The following LDB2 variants were observed in gnomAD, a reference collection of about 807,000 sequenced individuals.
LDB2 encodes LIM domain-binding protein 2.
Under a neutral mutation model 44.3 loss-of-function variants are expected in LDB2, and 12 were observed. The ratio of observed to expected loss-of-function variants is 0.27; its 90% confidence interval spans 0.17 to 0.44. The LOEUF (loss-of-function observed/expected upper bound fraction) is 0.44, where lower values mean the gene tolerates loss of function less well. Among genes scored for constraint, LDB2 ranks in the 20% least tolerant of loss-of-function variants. LDB2 has a pLI of 1.00. For synonymous variants in LDB2, 164 were observed against 174.8 expected, an observed-to-expected ratio of 0.94 and a Z score of 0.49; for missense variants, 344 against 473.5, an observed-to-expected ratio of 0.73 and a Z score of 2.54.
chr4:16,739,708 ATATATG>A lies in LDB2; in HGVS notation c.235+19444_235+19449del, dbSNP rs1476672337. On this transcript the variant is annotated intron_variant, in intron 2 of 7. Transcript: ENST00000304523. ...TATATGTATATATACATATATGTGTATATATGTATATATACATATATGTGTATATAC... is the reference window on the plus strand; with the variant it reads ...TATATGTATATATACATATATGTGTATATATATACATATATGTGTATATAC... Among the ~76,000 whole-genome samples, 49 of 102,214 alleles carry A rather than the reference ATATATG, an allele frequency of 4.8e-4. 2 individuals are homozygous for A. Among genetic ancestry groups the A allele is most frequent in the African/African-American group, 1.8e-3 (47 of 26,574 alleles). The allele number at this position is 102,214 out of a possible 152,430, so 67.1% of individuals were successfully genotyped here.
intron 1 of LDB2, among the ~76,000 whole-genome samples, chr4:16,851,354 G>C (rs1458762883): frequency 1.3e-5 from 2 of 152,040 alleles, no homozygotes; most frequent in Non-Finnish European, 2.9e-5. Flanking sequence ...AAGGAACCAA[G>C]GACAATAGTG....
At chr4:16,790,476 T>C (rs1285079310) in intron 1 of LDB2, among the ~76,000 whole-genome samples, 1 of 151,988 alleles carries the variant, frequency 6.6e-6, no homozygotes, top group Non-Finnish European at 1.5e-5. Context: ...TGATATTCAG[T>C]AATAGTGCTG....
intron 2 of LDB2, among the ~76,000 whole-genome samples, chr4:16,645,833 T>G (rs539186693): frequency 4.6e-5 from 7 of 152,152 alleles, no homozygotes; most frequent in African/African-American, 1.7e-4. Flanking sequence ...TCTCAATGTT[T>G]TTGGTTGTAT....
rs540212315 is a variant in LDB2 at position 16,692,247 on chromosome 4, G to A, written c.235+66911C>T. On this transcript the variant is annotated intron_variant, in intron 2 of 7. Transcript: ENST00000304523. ...ACATCAGAATTTGGATGAAGTACAA[G>A]TTGGATATACATACATTGACTCATG... is the stretch of plus-strand genomic sequence containing the variant. 8.5e-5 allele frequency among the ~76,000 whole-genome samples: 13 copies of A among 152,318 alleles called. No individual in the cohort carries two copies. The East Asian group carries it at 2.5e-3, about 29-fold the overall frequency.
intron 2 of LDB2, among the ~76,000 whole-genome samples, chr4:16,615,695 C>A (rs1386075445): frequency 6.6e-6 from 1 of 152,038 alleles, no homozygotes; most frequent in Non-Finnish European, 1.5e-5. Flanking sequence ...AACAAACCTG[C>A]ACATTCTGCA....
chr4:16,667,923 C>A (rs937241153), intron 2 of LDB2, among the ~76,000 whole-genome samples: 21 of 152,166 alleles, frequency 1.4e-4, no homozygotes, highest in African/African-American at 4.8e-4. Context: ...CCTCTGCTCA[C>A]CTTCCACGAT....
chr4:16,522,674 C>T (rs1726686322), intron 5 of LDB2, among the ~76,000 whole-genome samples: 1 of 152,082 alleles, frequency 6.6e-6, no homozygotes, highest in South Asian at 2.1e-4. Context: ...TACACACACA[C>T]ATAACCTGAA....
intron 5 of LDB2, among the ~76,000 whole-genome samples, chr4:16,562,408 C>A (rs1488815571): frequency 1.3e-5 from 2 of 152,166 alleles, no homozygotes; most frequent in South Asian, 2.1e-4. Context: ...GGGCGAAGGA[C>A]ATGAACAGAC....
intron 1 of LDB2, among the ~76,000 whole-genome samples, chr4:16,870,741 T>C (rs186370392): frequency 1.3e-5 from 2 of 152,242 alleles, no homozygotes; most frequent in Non-Finnish European, 2.9e-5. Context: ...CAAGCGATTC[T>C]CCTGCCTCAG....
chr4:16,613,051 T>C (rs529956978), intron 2 of LDB2, among the ~76,000 whole-genome samples: 1 of 63,810 alleles, frequency 1.6e-5, no homozygotes, highest in Non-Finnish European at 3.8e-5. Flanking sequence ...ATTCAACATA[T>C]GCAACATATG....
At chr4:16,547,793 G>C (rs118127823) in intron 5 of LDB2, among the ~76,000 whole-genome samples, 1 of 152,100 alleles carries the variant, frequency 6.6e-6, no homozygotes, top group South Asian at 2.1e-4. Flanking sequence ...CCAGTTTTCT[G>C]TCTTGTTACC....
At chr4:16,583,526 A>AGGC (rs1715551723) in intron 5 of LDB2, among the ~76,000 whole-genome samples, 1 of 152,228 alleles carries the variant, frequency 6.6e-6, no homozygotes, top group African/African-American at 2.4e-5. Context: ...AGGCAACTTT[A>AGGC]TACATGAATG....
chr4:16,503,174 C>T (rs955362868), intron 7 of LDB2: 6 of 1,532,960 alleles, frequency 3.9e-6, no homozygotes, highest in Middle Eastern at 1.7e-4. Flanking sequence ...TAAAAAAATC[C>T]ATGCTTTCAA....
intron 2 of LDB2, among the ~76,000 whole-genome samples, chr4:16,693,220 G>A (rs1251657085): frequency 1.3e-5 from 2 of 152,084 alleles, no homozygotes; most frequent in Admixed American, 6.6e-5. Flanking sequence ...ATTTTTATTT[G>A]AGCCTCAAGA....
At chr4:16,610,770 A>C (rs1297381287) in intron 2 of LDB2, among the ~76,000 whole-genome samples, 1 of 152,206 alleles carries the variant, frequency 6.6e-6, no homozygotes, top group Admixed American at 6.5e-5. Flanking sequence ...GGGAGAATGG[A>C]AACAAGCTGG....
intron 1 of LDB2, among the ~76,000 whole-genome samples, chr4:16,783,013 G>A (rs1237522102): frequency 6.6e-6 from 1 of 152,148 alleles, no homozygotes; most frequent in Non-Finnish European, 1.5e-5. Flanking sequence ...CTCTCTCCAG[G>A]AGATGACATT....
At chr4:16,888,123 C>T (rs1422820300) in intron 1 of LDB2, among the ~76,000 whole-genome samples, 1 of 152,216 alleles carries the variant, frequency 6.6e-6, no homozygotes, top group East Asian at 1.9e-4. Context: ...GCTGACCCAG[C>T]TCCCTTGGAG....
chr4:16,572,194 G>A (rs1164075502), intron 5 of LDB2, among the ~76,000 whole-genome samples: 1 of 152,126 alleles, frequency 6.6e-6, no homozygotes, highest in African/African-American at 2.4e-5. Flanking sequence ...CTCCCTTCAT[G>A]CTTTGCCCTC....
chr4:16,619,618 C>A (rs962330792), intron 2 of LDB2, among the ~76,000 whole-genome samples: 9 of 149,238 alleles, frequency 6.0e-5, no homozygotes, highest in African/African-American at 2.2e-4. Context: ...GGAGGTAATT[C>A]CCAGAGCCAC....
Sources: gnomAD v4.1 joint callset for allele counts (sites outside exome capture counted in the v4.1 genomes callset) on GRCh38, gnomAD v4.1.1 for gene constraint, MANE v1.5 for transcripts, NCBI Gene and HGNC (gene_info 2026-07-23, HGNC 2026-07-21) for gene names.